MSL2: variants seen among roughly 807,000 people sequenced by gnomAD.
The protein encoded by MSL2 is E3 ubiquitin-protein ligase MSL2.
In MSL2, 2 loss-of-function variants were observed where a neutral mutation model predicts 35.8. That is an observed-to-expected ratio of 0.06 (90% CI 0.02 to 0.18). The LOEUF is 0.18. Among genes scored for constraint, MSL2 ranks in the 10% least tolerant of loss-of-function variants. The probability of loss-of-function intolerance (pLI) is 1.00; values close to 1 mark genes in which losing one functional copy is unlikely to be tolerated. For missense variants in MSL2, 523 were observed against 706.7 expected, an observed-to-expected ratio of 0.74 and a Z score of 2.95; for synonymous variants, 296 against 255.7, an observed-to-expected ratio of 1.16 and a Z score of -1.50.
intron 1 of MSL2, among the ~76,000 whole-genome samples, chr3:136,193,764 G>A (rs1461685905): frequency 1.3e-5 from 2 of 152,074 alleles, no homozygotes; most frequent in Non-Finnish European, 2.9e-5. Flanking sequence ...TTTGCCCTGG[G>A]CGACTATTCC....
At chr3:136,194,833 A>G (rs1940790520) in intron 1 of MSL2, 139 bp downstream of exon 1, 3 of 1,371,340 alleles carry the variant, frequency 2.2e-6, no homozygotes, top group South Asian at 2.6e-5. Flanking sequence ...AGCAAGTTTC[A>G]AAACTAATGA....
Position 136,195,524 on chromosome 3 carries a change from C to CA in MSL2, c.-412dup. The CA allele has an allele frequency of 2.0e-6, 2 of 1,011,572 alleles. No individual in the cohort carries two copies. Among genetic ancestry groups the CA allele is most frequent in the East Asian group, 2.1e-4 (2 of 9,384 alleles). The allele number at this position is 1,011,572 out of a possible 1,614,324, so 62.7% of individuals were successfully genotyped here. On this transcript the variant is annotated 5_prime_UTR_variant, in exon 1 of 2. Transcript: ENST00000309993. The stretch of plus-strand genomic sequence containing the variant: ...CAAGTCGAGCTGGCAGGCGCGGGAG[C>CA]AGGCCCCGGCCCCGTCTGAGGCGCG...
rs771021498 is a variant in MSL2 at position 136,176,515 on chromosome 3, CAAAAAAA to C, written c.142+18450_142+18456del. On this transcript the variant is annotated intron_variant, in intron 1 of 1. Transcript: ENST00000309993. The stretch of plus-strand genomic sequence containing the variant: ...GGGCAACCAGAATGAGACCCTCTCT[CAAAAAAA>C]AAAAAAAAAAAAAAAACTTTTCGGC... Among the ~76,000 whole-genome samples the C allele has an allele frequency of 3.6e-3, 197 of 54,156 alleles. 2 individuals carry two copies. Among genetic ancestry groups the C allele is most frequent in the African/African-American group, 0.011 (177 of 15,732 alleles). 35.5% of individuals were successfully genotyped at this position (54,156 alleles called of 152,430 possible).
chr3:136,170,046 TAA>T (rs879416941), intron 1 of MSL2, among the ~76,000 whole-genome samples: 1 of 127,202 alleles, frequency 7.9e-6, no homozygotes, highest in Non-Finnish European at 1.7e-5. Flanking sequence ...GAGACTCCAT[TAA>T]AAAAAAAAAA....
In MSL2 at chr3:136,152,006, G is replaced by A; in HGVS notation, c.875C>T (p.Pro292Leu). 1 of 1,614,142 alleles carries A rather than the reference G, an allele frequency of 6.2e-7. No homozygotes were observed. Among genetic ancestry groups the A allele is most frequent in the South Asian group, 1.1e-5 (1 of 91,084 alleles). ...ATTGGATACAGTGGCTTCCAAGTTC[G>A]GCTGCAAATTAGGGCAACAGACCTC... ...NTEVCCPNLQPNLEATVSNGP... is the reference protein window; with the variant it reads ...NTEVCCPNLQLNLEATVSNGP... Residue 292 changes from proline to leucine, a missense_variant, in exon 2 of 2, where the codon CCG (proline) becomes CTG (leucine). Physicochemically the swap from Pro to Leu is moderately conservative, Grantham distance 98. This residue lies in a region of MSL2 where 361 missense variants were observed against 414.6 expected (regional missense o/e 0.87). Coordinates refer to ENST00000309993, the MANE Select transcript of MSL2 (RefSeq NM_018133.4).
intron 1 of MSL2, among the ~76,000 whole-genome samples, chr3:136,166,293 CA>C (rs1405845409): frequency 6.6e-6 from 1 of 151,882 alleles, no homozygotes; most frequent in Non-Finnish European, 1.5e-5. Flanking sequence ...GAGGCTGAGG[CA>C]GGAGAATTGT....
At chr3:136,174,937 G>A (rs1024797065) in intron 1 of MSL2, among the ~76,000 whole-genome samples, 6 of 152,080 alleles carry the variant, frequency 3.9e-5, no homozygotes, top group Non-Finnish European at 7.4e-5. Flanking sequence ...AGACTAAGCT[G>A]GTTTTCATTC....
At chr3:136,172,710 T>C (rs1368220275) in intron 1 of MSL2, among the ~76,000 whole-genome samples, 2 of 152,174 alleles carry the variant, frequency 1.3e-5, no homozygotes, top group Non-Finnish European at 2.9e-5. Flanking sequence ...TTAGTAATCC[T>C]TACTGACACA....
At chr3:136,185,629 T>C (rs974835633) in intron 1 of MSL2, among the ~76,000 whole-genome samples, 5 of 151,706 alleles carry the variant, frequency 3.3e-5, no homozygotes, top group African/African-American at 1.2e-4. Context: ...CTTCGCCTCC[T>C]GGGTTCAAGC....
At chr3:136,192,046 A>G (rs1036602050) in intron 1 of MSL2, among the ~76,000 whole-genome samples, 11 of 152,270 alleles carry the variant, frequency 7.2e-5, no homozygotes, top group African/African-American at 2.7e-4. Context: ...AAGAAAAAAC[A>G]ATGTCTTCCC....
intron 1 of MSL2, chr3:136,156,060 A>G (rs1939509855): frequency 1.2e-5 from 3 of 254,402 alleles, no homozygotes; most frequent in South Asian, 4.7e-5. Context: ...CCCCCAAAAA[A>G]CTACCTTTTT....
chr3:136,163,922 C>T (rs1939773315), intron 1 of MSL2, among the ~76,000 whole-genome samples: 1 of 152,176 alleles, frequency 6.6e-6, no homozygotes, highest in Non-Finnish European at 1.5e-5. Flanking sequence ...CCTGAGGCCT[C>T]CCCAGCCATG....
intron 1 of MSL2, among the ~76,000 whole-genome samples, chr3:136,186,398 T>G (rs1393859857): frequency 6.6e-6 from 1 of 152,210 alleles, no homozygotes; most frequent in Non-Finnish European, 1.5e-5. Flanking sequence ...CAGGGGTCCC[T>G]AAGCCTCCAG....
At chr3:136,178,286 A>G (rs898225406) in intron 1 of MSL2, among the ~76,000 whole-genome samples, 2 of 152,326 alleles carry the variant, frequency 1.3e-5, no homozygotes, top group South Asian at 4.1e-4. Context: ...CACTCACAAA[A>G]TTATTACCTA....
chr3:136,191,938 T>TA (rs776056364), intron 1 of MSL2, among the ~76,000 whole-genome samples: 1 of 152,198 alleles, frequency 6.6e-6, no homozygotes, highest in Non-Finnish European at 1.5e-5. Context: ...GAAGGGCTTT[T>TA]TCCCTCCCTC....
At chr3:136,159,950 T>C (rs1480455732) in intron 1 of MSL2, among the ~76,000 whole-genome samples, 1 of 152,022 alleles carries the variant, frequency 6.6e-6, no homozygotes, top group Non-Finnish European at 1.5e-5. Context: ...AAAAACTTAC[T>C]GTGCTTCAAC....
chr3:136,158,742 A>G (rs1170054357), intron 1 of MSL2, among the ~76,000 whole-genome samples: 1 of 152,246 alleles, frequency 6.6e-6, no homozygotes, highest in Non-Finnish European at 1.5e-5. Context: ...GCAAACTACT[A>G]GTACCAATAA....
intron 1 of MSL2, among the ~76,000 whole-genome samples, chr3:136,182,398 C>G (rs1940392494): frequency 6.6e-6 from 1 of 152,096 alleles, no homozygotes. Context: ...CAGAATAGAA[C>G]AATAGGTTTT....
intron 1 of MSL2, among the ~76,000 whole-genome samples, chr3:136,163,383 C>G (rs1939762637): frequency 6.6e-6 from 1 of 152,102 alleles, no homozygotes. Context: ...TGTGTATTTC[C>G]TAGCACTATC....
Sources: gnomAD v4.1 joint callset for allele counts (sites outside exome capture counted in the v4.1 genomes callset) on GRCh38, gnomAD v4.1.1 for gene constraint, gnomAD v4.1.1 regional missense constraint, MANE v1.5 for transcripts, NCBI Gene and HGNC (gene_info 2026-07-23, HGNC 2026-07-21) for gene names.